TMEM196: variants seen among roughly 807,000 people sequenced by gnomAD.
TMEM196 encodes the protein transmembrane protein 196.
In TMEM196, 17 loss-of-function variants were observed where a neutral mutation model predicts 20.0. The observed-to-expected ratio is 0.85, with a 90% CI of 0.58 to 1.27. The LOEUF (loss-of-function observed/expected upper bound fraction) is 1.27. TMEM196 is among the 50% of genes most tolerant of loss of function. The pLI is 0.00. For missense variants in TMEM196, 267 were observed against 223.0 expected (o/e 1.20, Z -1.26); for synonymous variants, 113 against 88.9 (o/e 1.27, Z -1.52).
At chr7:19,758,180 T>G (rs931729388) in intron 1 of TMEM196, among the ~76,000 whole-genome samples, 1 of 152,184 alleles carries the variant, frequency 6.6e-6, no homozygotes, top group African/African-American at 2.4e-5. Context: ...GGCAATTCAC[T>G]TACTTATCCA....
chr7:19,757,129 T>C (rs1362927347), intron 1 of TMEM196, among the ~76,000 whole-genome samples: 1 of 151,914 alleles, frequency 6.6e-6, no homozygotes, highest in Non-Finnish European at 1.5e-5. Context: ...TCTGATAACC[T>C]ATAGTGTAAT....
intron 2 of TMEM196, among the ~76,000 whole-genome samples, chr7:19,727,163 C>T (rs1784026355): frequency 6.6e-6 from 1 of 152,188 alleles, no homozygotes; most frequent in Admixed American, 6.5e-5. Context: ...CCCCTGAGTG[C>T]AGCAGCTGCT....
chr7:19,728,330 C>G (rs1361887290), intron 2 of TMEM196, among the ~76,000 whole-genome samples: 4 of 152,024 alleles, frequency 2.6e-5, no homozygotes, highest in Admixed American at 6.6e-5. Flanking sequence ...AGAATGAAGA[C>G]CATGTGTAAA....
chr7:19,724,398 A>G (rs1783918586), intron 3 of TMEM196, 45 bp from the exon 4 acceptor site: 1 of 1,522,810 alleles, frequency 6.6e-7, no homozygotes. Context: ...GCACAAATAT[A>G]TACAGAAAAC....
intron 1 of TMEM196, among the ~76,000 whole-genome samples, chr7:19,755,874 T>C (rs935070969): frequency 2.6e-5 from 4 of 151,932 alleles, no homozygotes; most frequent in African/African-American, 4.8e-5. Context: ...ACTAAAAATA[T>C]AAAAATTAAC....
chr7:19,723,680 T>TTTCTGCAAATGGGCC (rs1157179831), intron 4 of TMEM196, among the ~76,000 whole-genome samples: 1 of 152,202 alleles, frequency 6.6e-6, no homozygotes, highest in Non-Finnish European at 1.5e-5. Flanking sequence ...GCAAATGGGC[T>TTTCTGCAAATGGGCC]TTCTGCAAAT....
intron 1 of TMEM196, among the ~76,000 whole-genome samples, chr7:19,770,933 C>T (rs1238392130): frequency 6.6e-6 from 1 of 151,662 alleles, no homozygotes; most frequent in Non-Finnish European, 1.5e-5. Context: ...TTAATTGACT[C>T]AATTTGTTGA....
chr7:19,755,122 C>T (rs1785151509), intron 1 of TMEM196, among the ~76,000 whole-genome samples: 1 of 152,126 alleles, frequency 6.6e-6, no homozygotes, highest in Non-Finnish European at 1.5e-5. Flanking sequence ...TCTTTTTGAA[C>T]ATCAGGATTC....
intron 1 of TMEM196, among the ~76,000 whole-genome samples, chr7:19,754,070 A>C (rs185616950): frequency 6.6e-6 from 1 of 152,308 alleles, no homozygotes; most frequent in East Asian, 1.9e-4. Context: ...AGTGATAAGG[A>C]ATGACTACTC....
Position 19,751,534 on chromosome 7 carries a change from A to G in TMEM196, c.147+21016T>C, listed in dbSNP as rs149625076. 6.4e-4 allele frequency among the ~76,000 whole-genome samples: 98 copies of G among 152,320 alleles called. 1 individual carries two copies. In the East Asian group the frequency reaches 0.015, roughly 23 times the overall value. ...AAAGTCTCTGACTCTCAATTTTCCC[A>G]TTGGTAAAATGGATGTACTCCTGCA... On this transcript the variant is annotated intron_variant, in intron 1 of 4. Transcript: ENST00000405844.
intron 1 of TMEM196, among the ~76,000 whole-genome samples, chr7:19,755,735 A>G (rs1482180671): frequency 1.3e-5 from 2 of 152,182 alleles, no homozygotes; most frequent in Admixed American, 1.3e-4. Flanking sequence ...TGTCTTAGCA[A>G]AACAAAATGT....
chr7:19,768,914 AG>A (rs1785747102), intron 1 of TMEM196, among the ~76,000 whole-genome samples: 1 of 152,142 alleles, frequency 6.6e-6, no homozygotes, highest in East Asian at 1.9e-4. Flanking sequence ...GCCATCTTTC[AG>A]GTTTTTGTAT....
intron 1 of TMEM196, among the ~76,000 whole-genome samples, chr7:19,732,406 C>T (rs1784235693): frequency 6.6e-6 from 1 of 152,054 alleles, no homozygotes; most frequent in Non-Finnish European, 1.5e-5. Context: ...AACTCCGTCT[C>T]TACTAAAAAT....
chr7:19,754,376 A>C (rs543974211), intron 1 of TMEM196, among the ~76,000 whole-genome samples: 1 of 152,188 alleles, frequency 6.6e-6, no homozygotes, highest in Non-Finnish European at 1.5e-5. Context: ...GCTTCATTCA[A>C]AGTTAGCCCA....
At position 19,742,391 on chromosome 7, in the gene TMEM196, C is replaced by T. The variant is rs975589115; in HGVS notation, c.148-12953G>A. On this transcript the variant is annotated intron_variant, in intron 1 of 4. Transcript: ENST00000405844. ...TTTCCGAGGAAAAAGAGTATGCTCT[C>T]ACAGGGAGAGTATGGTGCCCTTAGA... Among the ~76,000 whole-genome samples, 4 of 152,082 alleles carry T rather than the reference C, an allele frequency of 2.6e-5. No individual in the cohort carries two copies. The East Asian group carries it at 7.7e-4, about 29-fold the overall frequency.
chr7:19,737,594 A>C (rs1042316969), intron 1 of TMEM196, among the ~76,000 whole-genome samples: 3 of 152,012 alleles, frequency 2.0e-5, no homozygotes, highest in African/African-American at 7.2e-5. Flanking sequence ...AAAGTGAGAT[A>C]CCAAGACACT....
chr7:19,740,830 G>T lies in TMEM196; in HGVS notation c.148-11392C>A, dbSNP rs145889001. Among the ~76,000 whole-genome samples, 962 of 152,244 alleles carry T rather than the reference G, an allele frequency of 6.3e-3. 10 individuals are homozygous for T. The highest frequency in any genetic ancestry group is 0.011 in the Non-Finnish European group (724 of 68,002). Reference sequence around the variant, plus strand: ...CAGGAACAAACTCAAAAGTTCCATAGAGTAGTTTATAAGAATTGAGTACAG... The same window carrying T: ...CAGGAACAAACTCAAAAGTTCCATATAGTAGTTTATAAGAATTGAGTACAG... On this transcript the variant is annotated intron_variant, in intron 1 of 4. Coordinates refer to ENST00000405844, the MANE Select transcript of TMEM196 (RefSeq NM_001363562.2).
chr7:19,723,286 C>G (rs28756683), intron 4 of TMEM196, among the ~76,000 whole-genome samples: 28,107 of 151,800 alleles, frequency 0.19, 3,057 homozygotes, highest in East Asian at 0.59. Context: ...CAATGATCTT[C>G]AACAAAATTT....
chr7:19,732,164 C>T (rs117981352), intron 1 of TMEM196, among the ~76,000 whole-genome samples: 1,691 of 152,284 alleles, frequency 0.011, 11 homozygotes, highest in Middle Eastern at 0.034. Context: ...TCGAAGTTTA[C>T]ACGTGGGGAC....
Sources: allele counts gnomAD v4.1 joint callset (sites outside exome capture counted in the v4.1 genomes callset), GRCh38; gene constraint gnomAD v4.1.1; transcripts MANE v1.5; gene names NCBI Gene and HGNC (gene_info 2026-07-23, HGNC 2026-07-21).